ARHGEF7: variants seen among roughly 807,000 people sequenced by gnomAD.
ARHGEF7 encodes the protein PAK-interacting exchange factor beta.
In ARHGEF7, 33 loss-of-function variants were observed where a neutral mutation model predicts 109.8. The observed-to-expected ratio is 0.30, with a 90% CI of 0.23 to 0.40. The LOEUF is 0.40. Among genes scored for constraint, ARHGEF7 ranks in the 10% least tolerant of loss-of-function variants. The probability of loss-of-function intolerance (pLI) is 1.00; values close to 1 mark genes in which losing one functional copy is unlikely to be tolerated. For missense variants in ARHGEF7, 938 were observed against 1,098.5 expected (o/e 0.85, Z 2.07); for synonymous variants, 458 against 424.6 (o/e 1.08, Z -0.97).
chr13:111,223,863 T>C (rs1378403336), intron 5 of ARHGEF7, among the ~76,000 whole-genome samples: 1 of 151,814 alleles, frequency 6.6e-6, no homozygotes, highest in Non-Finnish European at 1.5e-5. Context: ...ATAGCATTTT[T>C]TTTTTTTTTT....
chr13:111,221,700 T>C (rs185483300), intron 5 of ARHGEF7, among the ~76,000 whole-genome samples: 1 of 109,308 alleles, frequency 9.1e-6, no homozygotes. Flanking sequence ...CCCCTTGATA[T>C]ATCTATCTGT....
At chr13:111,206,090 T>A (rs2081799907) in intron 3 of ARHGEF7, among the ~76,000 whole-genome samples, 1 of 152,138 alleles carries the variant, frequency 6.6e-6, no homozygotes, top group Non-Finnish European at 1.5e-5. Context: ...TTTTTGGTCT[T>A]ATTAGAGTAA....
intron 9 of ARHGEF7, among the ~76,000 whole-genome samples, chr13:111,270,038 G>A (rs2092009844): frequency 6.6e-6 from 1 of 152,200 alleles, no homozygotes; most frequent in African/African-American, 2.4e-5. Context: ...CATCCTCACT[G>A]TCCTTGTGTT....
chr13:111,277,481 A>G, intron 12 of ARHGEF7, 106 bp from the exon 13 acceptor site: 1 of 672,594 alleles, frequency 1.5e-6, no homozygotes, highest in South Asian at 1.8e-5. Context: ...GAGAAATATC[A>G]TGTAATGTTT....
At chr13:111,269,264 A>G (rs1356685838) in intron 9 of ARHGEF7, among the ~76,000 whole-genome samples, 1 of 152,242 alleles carries the variant, frequency 6.6e-6, no homozygotes, top group Non-Finnish European at 1.5e-5. Context: ...AGAAAGCGCA[A>G]TGCAAGTGTT....
rs540503374 is a variant in ARHGEF7 at position 111,120,134 on chromosome 13, G to T, written c.165+4443G>T. 7.2e-5 allele frequency among the ~76,000 whole-genome samples: 11 copies of T among 152,344 alleles called. 1 individual carries two copies. In the East Asian group the frequency reaches 2.1e-3, roughly 29 times the overall value. ...TAATAAACATTTCCTTTTGAAGCAT[G>T]TGACTTTATAGTCCTGTCTCAACCC... On this transcript the variant is annotated intron_variant, in intron 1 of 21. Coordinates refer to ENST00000646102, the MANE Select transcript of ARHGEF7 (RefSeq NM_001354046.2).
chr13:111,127,918 C>G (rs1359073343), intron 1 of ARHGEF7, among the ~76,000 whole-genome samples: 4 of 152,196 alleles, frequency 2.6e-5, no homozygotes, highest in African/African-American at 7.2e-5. Context: ...TCAATCAATA[C>G]AATTCATGAT....
intron 5 of ARHGEF7, among the ~76,000 whole-genome samples, chr13:111,218,435 C>T (rs962462075): frequency 2.6e-5 from 4 of 151,986 alleles, no homozygotes; most frequent in Non-Finnish European, 4.4e-5. Flanking sequence ...CTATGGCTGC[C>T]GGGCTGTCGT....
At chr13:111,149,384 A>G (rs2075779080) in intron 1 of ARHGEF7, among the ~76,000 whole-genome samples, 1 of 152,256 alleles carries the variant, frequency 6.6e-6, no homozygotes. Flanking sequence ...AACTCAGTTC[A>G]GAAAAAAATC....
intron 16 of ARHGEF7, among the ~76,000 whole-genome samples, chr13:111,284,187 TGTGA>T (rs2092919321): frequency 1.3e-5 from 2 of 151,590 alleles, no homozygotes; most frequent in South Asian, 2.1e-4. Flanking sequence ...GTTGGTGGGG[TGTGA>T]GTGAGCGTGA....
intron 2 of ARHGEF7, among the ~76,000 whole-genome samples, chr13:111,204,917 G>T (rs1472645119): frequency 6.6e-6 from 1 of 152,196 alleles, no homozygotes; most frequent in African/African-American, 2.4e-5. Flanking sequence ...AGCACGCCTT[G>T]CCTGGGGCCT....
chr13:111,166,493 G>A (rs2077141325), intron 2 of ARHGEF7, among the ~76,000 whole-genome samples: 1 of 152,212 alleles, frequency 6.6e-6, no homozygotes, highest in Admixed American at 6.5e-5. Flanking sequence ...GGACAGGATG[G>A]CACCAATCCG....
rs1201872574 is a variant in ARHGEF7 at position 111,292,206 on chromosome 13, T to A, written c.2223T>A (p.Leu741=). The change falls in exon 19 of 22, where the codon CTT becomes CTA. Residue 741 remains leucine (L), a synonymous_variant. Transcript: ENST00000646102. ...ACTCCCTGGGGCGTCGCAGTAGCCTTTCTCGTTTGGAGCCTTCAGACCTCT... is the reference window on the plus strand; with the variant it reads ...ACTCCCTGGGGCGTCGCAGTAGCCTATCTCGTTTGGAGCCTTCAGACCTCT... ...SLDSLGRRSS[L]SRLEPSDLSE... 1.9e-6 allele frequency: 3 copies of A among 1,614,064 alleles called. No individual in the cohort carries two copies. The highest frequency in any genetic ancestry group is 1.7e-6 in the Non-Finnish European group (2 of 1,180,048).
chr13:111,237,123 A>G (rs530176321), intron 6 of ARHGEF7, among the ~76,000 whole-genome samples: 2 of 152,372 alleles, frequency 1.3e-5, no homozygotes, highest in East Asian at 3.9e-4. Flanking sequence ...TAAATCTTTT[A>G]GGCTACCTAA....
intron 2 of ARHGEF7, among the ~76,000 whole-genome samples, chr13:111,167,378 C>T (rs138081634): frequency 4.6e-5 from 7 of 152,254 alleles, no homozygotes; most frequent in Non-Finnish European, 8.8e-5. Context: ...ACAGTCCTCC[C>T]GCACTCTCCT....
At chr13:111,223,858 AT>A (rs35652076) in intron 5 of ARHGEF7, among the ~76,000 whole-genome samples, 25,504 of 138,730 alleles carry the variant, frequency 0.18, 2,149 homozygotes, top group Admixed American at 0.28. Context: ...TTTCTATAGC[AT>A]TTTTTTTTTT....
chr13:111,115,787 A>T, intron 1 of ARHGEF7, 96 bp downstream of exon 1: 1 of 675,328 alleles, frequency 1.5e-6, no homozygotes, highest in East Asian at 8.0e-5. Flanking sequence ...GCGCTCGGGA[A>T]ACCCGTGCGC....
chr13:111,299,337 A>ATTTTTTTTT (rs936360326), intron 19 of ARHGEF7, among the ~76,000 whole-genome samples: 2 of 106,108 alleles, frequency 1.9e-5, no homozygotes, highest in Non-Finnish European at 3.7e-5. Context: ...GAAGCCATTC[A>ATTTTTTTTT]TTTTTTTTTT....
At chr13:111,221,526 T>C (rs1330752688) in intron 5 of ARHGEF7, among the ~76,000 whole-genome samples, 7 of 33,870 alleles carry the variant, frequency 2.1e-4, no homozygotes, top group Non-Finnish European at 3.6e-4. Flanking sequence ...TATATATCTA[T>C]ATATATCTAT....
Sources: allele counts gnomAD v4.1 joint callset (sites outside exome capture counted in the v4.1 genomes callset), GRCh38; gene constraint gnomAD v4.1.1; transcripts MANE v1.5; gene names NCBI Gene and HGNC (gene_info 2026-07-23, HGNC 2026-07-21).